The following ZNF385D variants were observed in gnomAD, a reference collection of about 807,000 sequenced individuals.
The protein encoded by ZNF385D is zinc finger protein 385D.
ZNF385D carries 15 observed loss-of-function variants against 35.8 expected under a neutral mutation model. The observed-to-expected ratio is 0.42, with a 90% CI of 0.28 to 0.64. The LOEUF is 0.64. Ranked by LOEUF, ZNF385D falls within the 30% of genes least tolerant of loss-of-function variation. The pLI, the probability that ZNF385D is intolerant of heterozygous loss-of-function variation, is 0.23. For missense variants in ZNF385D, 474 were observed against 494.6 expected, an observed-to-expected ratio of 0.96 and a Z score of 0.39; for synonymous variants, 212 against 186.8, an observed-to-expected ratio of 1.13 and a Z score of -1.10.
intron 1 of ZNF385D, among the ~76,000 whole-genome samples, chr3:21,731,908 A>T (rs1426878772): frequency 1.3e-5 from 2 of 152,018 alleles, no homozygotes; most frequent in East Asian, 3.9e-4. Context: ...GTGCTTAATA[A>T]TATAGCATCA....
chr3:22,202,225 T>C (rs6774850), intron 2 of ZNF385D, among the ~76,000 whole-genome samples: 2,789 of 152,210 alleles, frequency 0.018, 77 homozygotes, highest in African/African-American at 0.062. Context: ...AGAAAGCTCA[T>C]AGAAGAACCT....
At chr3:22,092,563 G>C (rs11714915) in intron 3 of ZNF385D, among the ~76,000 whole-genome samples, 35 of 152,110 alleles carry the variant, frequency 2.3e-4, no homozygotes, top group Non-Finnish European at 4.4e-4. Flanking sequence ...CCTCTCCAAT[G>C]AATCTGGATC....
intron 2 of ZNF385D, among the ~76,000 whole-genome samples, chr3:22,311,417 A>G (rs1703541926): frequency 6.6e-6 from 1 of 151,974 alleles, no homozygotes; most frequent in Non-Finnish European, 1.5e-5. Flanking sequence ...ACTTTAATAA[A>G]TGTGGTTTCA....
intron 3 of ZNF385D, among the ~76,000 whole-genome samples, chr3:22,099,050 C>CA (rs1365787304): frequency 1.1e-4 from 17 of 151,452 alleles, no homozygotes; most frequent in African/African-American, 2.2e-4. Flanking sequence ...AAATAGGAAG[C>CA]AAAAAAAATC....
At chr3:21,426,400 C>A (rs1384813700) in intron 5 of ZNF385D, among the ~76,000 whole-genome samples, 1 of 152,162 alleles carries the variant, frequency 6.6e-6, no homozygotes, top group Non-Finnish European at 1.5e-5. Context: ...GGCCTTCACA[C>A]ATCATTCATG....
chr3:22,016,663 G>C (rs1035348423), intron 3 of ZNF385D, among the ~76,000 whole-genome samples: 4 of 151,964 alleles, frequency 2.6e-5, no homozygotes, highest in African/African-American at 9.7e-5. Flanking sequence ...GGCTTTCTTA[G>C]CTCACAGTGG....
intron 3 of ZNF385D, among the ~76,000 whole-genome samples, chr3:21,820,138 C>T (rs2073339300): frequency 6.6e-6 from 1 of 151,516 alleles, no homozygotes; most frequent in Non-Finnish European, 1.5e-5. Flanking sequence ...TTTCATTACA[C>T]TTTATTTTTA....
chr3:21,589,098 T>G (rs1457538851), intron 2 of ZNF385D, among the ~76,000 whole-genome samples: 3 of 151,662 alleles, frequency 2.0e-5, no homozygotes, highest in Admixed American at 2.0e-4. Flanking sequence ...GTCACAAGAG[T>G]ATTGGAAAAA....
Position 21,750,876 on chromosome 3 carries a change from C to G in ZNF385D, c.22+19G>C, listed in dbSNP as rs1340577361. Reference sequence around the variant, plus strand: ...GAGCCGGACACCCCCAGAATTACATCATCAGAGTGAACACTCACCAAAATA... The same window carrying G: ...GAGCCGGACACCCCCAGAATTACATGATCAGAGTGAACACTCACCAAAATA... On this transcript the variant is annotated intron_variant, in intron 1 of 7. Transcript: ENST00000281523. 6.2e-7 allele frequency: 1 copy of G among 1,613,986 alleles called. No individual in the cohort carries two copies. The highest frequency in any genetic ancestry group is 8.5e-7 in the Non-Finnish European group (1 of 1,179,964).
At chr3:22,277,405 T>C (rs1701483531) in intron 2 of ZNF385D, among the ~76,000 whole-genome samples, 2 of 152,012 alleles carry the variant, frequency 1.3e-5, no homozygotes, top group Admixed American at 6.6e-5. Flanking sequence ...TAGAAAATCA[T>C]AAAGGCAACA....
chr3:21,870,007 T>A lies in ZNF385D; in HGVS notation c.326-204979A>T, dbSNP rs537325903. On this transcript the variant is annotated intron_variant, in intron 3 of 5. Transcript: ENST00000494108. ...ATATTTTTATATCCCACTGTGGATTTTTTTTTAAAAAACAACTTTCTCAAA... is the reference window on the plus strand; with the variant it reads ...ATATTTTTATATCCCACTGTGGATTATTTTTTAAAAAACAACTTTCTCAAA... Among the ~76,000 whole-genome samples, 6 of 152,270 alleles carry A rather than the reference T, an allele frequency of 3.9e-5. No homozygotes were observed. The South Asian group carries it at 1.0e-3, about 26-fold the overall frequency.
intron 2 of ZNF385D, among the ~76,000 whole-genome samples, chr3:22,240,256 G>C (rs1032507680): frequency 6.7e-6 from 1 of 148,992 alleles, no homozygotes; most frequent in African/African-American, 2.5e-5. Flanking sequence ...AAATTTTCTG[G>C]CTTGCAATGC....
At chr3:22,076,366 C>G (rs1344552073) in intron 3 of ZNF385D, among the ~76,000 whole-genome samples, 2 of 151,878 alleles carry the variant, frequency 1.3e-5, no homozygotes, top group East Asian at 1.9e-4. Flanking sequence ...TTCAGTTATC[C>G]ATATGAATAT....
chr3:21,733,413 T>C (rs138747738), intron 1 of ZNF385D, among the ~76,000 whole-genome samples: 2 of 152,328 alleles, frequency 1.3e-5, no homozygotes, highest in African/African-American at 4.8e-5. Flanking sequence ...TCAATGTTTG[T>C]TCATATTCTT....
At chr3:22,354,995 G>A (rs921757866) in intron 2 of ZNF385D, among the ~76,000 whole-genome samples, 1 of 151,880 alleles carries the variant, frequency 6.6e-6, no homozygotes, top group Non-Finnish European at 1.5e-5. Context: ...AACATTGTTT[G>A]TACCCTTTAT....
chr3:21,451,222 G>A (rs1228416294), intron 4 of ZNF385D, among the ~76,000 whole-genome samples: 7 of 151,912 alleles, frequency 4.6e-5, no homozygotes, highest in Admixed American at 3.3e-4. Context: ...TATCATCACA[G>A]ATACTCTGTT....
intron 3 of ZNF385D, among the ~76,000 whole-genome samples, chr3:22,038,527 G>A (rs1182934896): frequency 6.6e-6 from 1 of 152,004 alleles, no homozygotes; most frequent in African/African-American, 2.4e-5. Context: ...TACTGTTGTT[G>A]TCATCATTAT....
chr3:22,345,981 C>A (rs1415831880), intron 2 of ZNF385D, among the ~76,000 whole-genome samples: 1 of 152,164 alleles, frequency 6.6e-6, no homozygotes, highest in African/African-American at 2.4e-5. Context: ...TGTCCCGATC[C>A]TGCTTTCTTC....
intron 4 of ZNF385D, among the ~76,000 whole-genome samples, chr3:21,496,977 T>G (rs1705948232): frequency 6.6e-6 from 1 of 152,100 alleles, no homozygotes; most frequent in Non-Finnish European, 1.5e-5. Flanking sequence ...GAATTACCCT[T>G]GAGAACCGAA....
Sources: allele counts gnomAD v4.1 joint callset (sites outside exome capture counted in the v4.1 genomes callset), GRCh38; gene constraint gnomAD v4.1.1; transcripts MANE v1.5; gene names NCBI Gene and HGNC (gene_info 2026-07-23, HGNC 2026-07-21).